TNRC18: variants seen among roughly 807,000 people sequenced by gnomAD.
TNRC18 encodes trinucleotide repeat-containing gene 18 protein.
TNRC18 carries 69 observed loss-of-function variants against 226.7 expected under a neutral mutation model. The ratio of observed to expected loss-of-function variants is 0.30; its 90% CI spans 0.25 to 0.37. The LOEUF is 0.37. TNRC18 is among the 10% of genes least tolerant of loss of function. The probability of loss-of-function intolerance (pLI) is 1.00; values close to 1 mark genes in which losing one functional copy is unlikely to be tolerated. For synonymous variants in TNRC18, 2,449 were observed against 1,927.6 expected (o/e 1.27, Z -7.09); for missense variants, 4,754 against 4,256.6 (o/e 1.12, Z -3.25).
rs2128121674 is a variant in TNRC18 at position 5,327,201 on chromosome 7, A to T, written c.6148-1953T>A. On this transcript the variant is annotated intron_variant, in intron 19 of 29. Coordinates refer to ENST00000430969, the MANE Select transcript of TNRC18 (RefSeq NM_001080495.3). ...GGTAGAAAAGTAATAAATAAAGATA[A>T]CAATGGTCAAATGCTACCAAGACAA... Among the ~76,000 whole-genome samples the T allele has an allele frequency of 2.0e-5, 3 of 152,342 alleles. No homozygotes were observed. The South Asian group carries it at 6.2e-4, about 32-fold the overall frequency.
At chr7:5,366,727 C>T (rs1036747857) in intron 11 of TNRC18, among the ~76,000 whole-genome samples, 2 of 152,282 alleles carry the variant, frequency 1.3e-5, no homozygotes, top group Non-Finnish European at 2.9e-5. Flanking sequence ...CCCCATACCC[C>T]CGCCTCGAGG....
intron 2 of TNRC18, among the ~76,000 whole-genome samples, chr7:5,416,794 C>T (rs1224851935): frequency 6.6e-6 from 1 of 151,886 alleles, no homozygotes; most frequent in Non-Finnish European, 1.5e-5. Flanking sequence ...GAGTTCGAGA[C>T]CAGCTGGACA....
At chr7:5,355,413 A>G (rs1392881788) in intron 16 of TNRC18, among the ~76,000 whole-genome samples, 2 of 152,040 alleles carry the variant, frequency 1.3e-5, no homozygotes, top group Non-Finnish European at 2.9e-5. Flanking sequence ...GGATCTCTTG[A>G]TCCCAGGAGT....
At chr7:5,398,481 T>A (rs1247545444) in intron 2 of TNRC18, among the ~76,000 whole-genome samples, 1 of 152,006 alleles carries the variant, frequency 6.6e-6, no homozygotes, top group South Asian at 2.1e-4. Context: ...CCCAGCTAAT[T>A]TTTTTCTTTT....
At chr7:5,401,408 G>A (rs753699164) in intron 2 of TNRC18, among the ~76,000 whole-genome samples, 7 of 152,194 alleles carry the variant, frequency 4.6e-5, no homozygotes, top group Non-Finnish European at 7.4e-5. Flanking sequence ...GCACACTCCC[G>A]CCTGTCTATA....
chr7:5,308,802 G>A (rs903021344), intron 29 of TNRC18, 73 bp downstream of exon 29: 73 of 1,503,154 alleles, frequency 4.9e-5, no homozygotes, highest in Admixed American at 2.8e-4. Context: ...ATGCTGAGCC[G>A]GGCCCTGTCT....
chr7:5,335,434 A>T (rs1310357519), intron 18 of TNRC18, among the ~76,000 whole-genome samples: 3 of 150,206 alleles, frequency 2.0e-5, no homozygotes, highest in Non-Finnish European at 4.4e-5. Context: ...ATGGTGAAAC[A>T]CCATCTCTGA....
intron 26 of TNRC18, 66 bp downstream of exon 26, chr7:5,314,918 G>C: frequency 6.7e-7 from 1 of 1,497,692 alleles, no homozygotes; most frequent in Middle Eastern, 2.4e-4. Context: ...AGGTTCCCAA[G>C]CCCTGAGTTT....
chr7:5,367,521 A>C (rs185901127), intron 11 of TNRC18, among the ~76,000 whole-genome samples: 5 of 149,784 alleles, frequency 3.3e-5, no homozygotes, highest in African/African-American at 1.2e-4. Context: ...TCCGCCTCCC[A>C]GGTTCAAGTG....
chr7:5,345,517 G>GCCACCCCCCCC, intron 18 of TNRC18, 45 bp downstream of exon 18: 6 of 377,744 alleles, frequency 1.6e-5, no homozygotes, highest in South Asian at 1.3e-4. Context: ...AATGGCGTCC[G>GCCACCCCCCCC]CCCCTCCCAC....
chr7:5,417,227 G>C (rs550083641), intron 2 of TNRC18, among the ~76,000 whole-genome samples: 3 of 151,010 alleles, frequency 2.0e-5, no homozygotes, highest in Non-Finnish European at 4.4e-5. Context: ...CAGCACTTTG[G>C]GAGGCCAAGG....
At position 5,421,052 on chromosome 7, in the gene TNRC18, G is replaced by C; in HGVS notation, c.187+8C>G. ...CAGGAGGGGACGGGCACGGCGCGGG[G>C]CACTTACCCGGGTGCGGATGGAGAT... is the stretch of plus-strand genomic sequence containing the variant. On this transcript the variant is annotated splice_region_variant and intron_variant, in intron 2 of 29. Coordinates refer to ENST00000430969, the MANE Select transcript of TNRC18 (RefSeq NM_001080495.3). 6.6e-7 allele frequency: 1 copy of C among 1,523,276 alleles called. No individual in the cohort carries two copies. The highest frequency in any genetic ancestry group is 8.9e-7 in the Non-Finnish European group (1 of 1,126,022). 94.4% of individuals were successfully genotyped at this position (1,523,276 alleles called of 1,614,324 possible).
At chr7:5,409,860 C>T (rs555160146) in intron 2 of TNRC18, among the ~76,000 whole-genome samples, 61 of 147,054 alleles carry the variant, frequency 4.1e-4, no homozygotes, top group African/African-American at 1.5e-3. Flanking sequence ...GCGTGGTGGC[C>T]GGTGCCTGTA....
At chr7:5,316,310 G>C (rs4236385) in intron 24 of TNRC18, among the ~76,000 whole-genome samples, 1 of 131,890 alleles carries the variant, frequency 7.6e-6, no homozygotes, top group African/African-American at 2.9e-5. Flanking sequence ...ACAGAGTTTC[G>C]CTGTCGATGC....
intron 2 of TNRC18, among the ~76,000 whole-genome samples, chr7:5,410,179 CACA>C (rs1336930586): frequency 1.3e-5 from 2 of 150,694 alleles, no homozygotes; most frequent in East Asian, 2.0e-4. Flanking sequence ...GGCATGGTGG[CACA>C]CGCCTGAAAT....
intron 2 of TNRC18, chr7:5,420,349 ATGGTCC>A (rs1173850342): frequency 2.2e-6 from 1 of 455,610 alleles, no homozygotes; most frequent in East Asian, 7.0e-5. Context: ...CGGGACCGCG[ATGGTCC>A]GGTTTCGGTG....
intron 9 of TNRC18, 148 bp downstream of exon 9, chr7:5,375,886 G>A (rs1794622238): frequency 7.9e-6 from 6 of 762,932 alleles, no homozygotes. Context: ...TTCCACTGCT[G>A]CCTCCTCCAG....
At chr7:5,325,957 C>T (rs1418920025) in intron 19 of TNRC18, among the ~76,000 whole-genome samples, 1 of 151,310 alleles carries the variant, frequency 6.6e-6, no homozygotes, top group Non-Finnish European at 1.5e-5. Flanking sequence ...TGGTCTCAAA[C>T]TCCTGGTCTC....
At chr7:5,417,732 G>C (rs1227594721) in intron 2 of TNRC18, among the ~76,000 whole-genome samples, 1 of 152,204 alleles carries the variant, frequency 6.6e-6, no homozygotes, top group African/African-American at 2.4e-5. Context: ...TCCCCACCAA[G>C]TGGCCCTTCC....
Sources: allele counts gnomAD v4.1 joint callset (sites outside exome capture counted in the v4.1 genomes callset), GRCh38; gene constraint gnomAD v4.1.1; transcripts MANE v1.5; gene names NCBI Gene and HGNC (gene_info 2026-07-23, HGNC 2026-07-21).